Variants in SGCZ observed in about 807,000 individuals in gnomAD.
The protein encoded by SGCZ is sarcoglycan zeta.
A neutral mutation model predicts 41.3 loss-of-function variants in SGCZ; 40 were observed. That is an observed-to-expected ratio of 0.97 (90% CI 0.75 to 1.26). The LOEUF (loss-of-function observed/expected upper bound fraction) is 1.26. SGCZ is among the 50% of genes most tolerant of loss of function. The pLI is 0.00. For missense variants in SGCZ, 552 were observed against 369.8 expected (o/e 1.49, Z -4.04); for synonymous variants, 206 against 137.5 (o/e 1.50, Z -3.49).
chr8:14,739,586 A>G (rs1005301200), intron 1 of SGCZ, among the ~76,000 whole-genome samples: 2 of 152,086 alleles, frequency 1.3e-5, no homozygotes, highest in Non-Finnish European at 1.5e-5. Context: ...AAAACTGACC[A>G]GTATTACTCA....
intron 1 of SGCZ, among the ~76,000 whole-genome samples, chr8:15,028,043 C>A (rs912945699): frequency 1.3e-5 from 2 of 152,054 alleles, no homozygotes; most frequent in Non-Finnish European, 2.9e-5. Context: ...AGATTTTGAA[C>A]TCAGTTACCA....
chr8:15,120,578 T>A (rs1006449332), intron 1 of SGCZ, among the ~76,000 whole-genome samples: 5 of 152,228 alleles, frequency 3.3e-5, no homozygotes, highest in Non-Finnish European at 5.9e-5. Context: ...ACAGTGATAA[T>A]GTTAGCAATC....
At chr8:14,473,694 T>C (rs1026289340) in intron 2 of SGCZ, among the ~76,000 whole-genome samples, 1 of 151,886 alleles carries the variant, frequency 6.6e-6, no homozygotes, top group African/African-American at 2.4e-5. Context: ...TCCCAGCACT[T>C]TGGGAGGTCG....
chr8:14,301,665 T>C (rs1801194845), intron 3 of SGCZ, among the ~76,000 whole-genome samples: 2 of 152,222 alleles, frequency 1.3e-5, no homozygotes, highest in East Asian at 1.9e-4. Context: ...TCATTCAAGG[T>C]AATATTTATG....
At chr8:14,957,288 T>C (rs1800822301) in intron 1 of SGCZ, among the ~76,000 whole-genome samples, 1 of 152,116 alleles carries the variant, frequency 6.6e-6, no homozygotes, top group Non-Finnish European at 1.5e-5. Flanking sequence ...TAAATTTTCA[T>C]CTTCTTTTTA....
At chr8:15,209,724 A>G (rs1801180554) in intron 1 of SGCZ, among the ~76,000 whole-genome samples, 1 of 152,164 alleles carries the variant, frequency 6.6e-6, no homozygotes. Context: ...AGTTTGTCTT[A>G]TCGTTGACCA....
At chr8:14,595,653 C>G (rs982240861) in intron 1 of SGCZ, among the ~76,000 whole-genome samples, 2 of 152,132 alleles carry the variant, frequency 1.3e-5, no homozygotes, top group African/African-American at 4.8e-5. Flanking sequence ...ATGAGGGCAT[C>G]AAAATGCTTC....
chr8:14,341,972 T>C (rs1187269280), intron 2 of SGCZ, among the ~76,000 whole-genome samples: 1 of 152,160 alleles, frequency 6.6e-6, no homozygotes, highest in Non-Finnish European at 1.5e-5. Context: ...GAATGTGGTG[T>C]TGTTGAAAAG....
At chr8:14,535,899 T>G (rs1321258935) in intron 2 of SGCZ, among the ~76,000 whole-genome samples, 1 of 151,896 alleles carries the variant, frequency 6.6e-6, no homozygotes, top group Non-Finnish European at 1.5e-5. Flanking sequence ...ATTCAGGGAA[T>G]CTGTGTGAGG....
At chr8:14,883,333 T>C (rs945897995) in intron 1 of SGCZ, among the ~76,000 whole-genome samples, 20 of 151,948 alleles carry the variant, frequency 1.3e-4, no homozygotes, top group African/African-American at 4.8e-4. Context: ...GTTAAAAGAC[T>C]GTTTGGTGTT....
intron 1 of SGCZ, among the ~76,000 whole-genome samples, chr8:15,197,138 A>G (rs1800756455): frequency 6.6e-6 from 1 of 152,212 alleles, no homozygotes; most frequent in Non-Finnish European, 1.5e-5. Context: ...CCTTTGTGGG[A>G]GGAGCTACAA....
intron 2 of SGCZ, among the ~76,000 whole-genome samples, chr8:14,410,243 G>A (rs550045541): frequency 6.6e-6 from 1 of 152,122 alleles, no homozygotes; most frequent in Non-Finnish European, 1.5e-5. Flanking sequence ...TCTGCCTGTG[G>A]AAAACTGTCT....
intron 1 of SGCZ, among the ~76,000 whole-genome samples, chr8:14,914,018 C>A (rs559404065): frequency 6.6e-6 from 1 of 152,050 alleles, no homozygotes; most frequent in Non-Finnish European, 1.5e-5. Context: ...AATTCACATT[C>A]TTAATAGTCA....
At chr8:14,914,768 G>A (rs4831663) in intron 1 of SGCZ, among the ~76,000 whole-genome samples, 28,906 of 152,130 alleles carry the variant, frequency 0.19, 3,505 homozygotes, top group East Asian at 0.43. Context: ...TCATTTCTTT[G>A]TATACTTCTG....
chr8:14,795,527 C>A (rs1239231587), intron 1 of SGCZ, among the ~76,000 whole-genome samples: 1 of 152,026 alleles, frequency 6.6e-6, no homozygotes, highest in Non-Finnish European at 1.5e-5. Context: ...ACTGCAGCCT[C>A]CACCTCCTAG....
intron 1 of SGCZ, among the ~76,000 whole-genome samples, chr8:14,953,786 G>C (rs1049714804): frequency 5.9e-5 from 9 of 152,166 alleles, no homozygotes; most frequent in African/African-American, 2.2e-4. Context: ...GTTTACAATA[G>C]TACTTGATAC....
chr8:14,245,093 C>A (rs1030875662), intron 3 of SGCZ, among the ~76,000 whole-genome samples: 1 of 152,234 alleles, frequency 6.6e-6, no homozygotes, highest in East Asian at 1.9e-4. Flanking sequence ...ATTTCCTTCT[C>A]CTGCCTAATT....
chr8:14,404,994 G>C (rs1799172681), intron 2 of SGCZ, among the ~76,000 whole-genome samples: 1 of 152,306 alleles, frequency 6.6e-6, no homozygotes, highest in East Asian at 1.9e-4. Flanking sequence ...TGTCCTTCGT[G>C]ATTGCACATC....
At chr8:14,705,941 C>G (rs1809319413) in intron 1 of SGCZ, among the ~76,000 whole-genome samples, 1 of 151,996 alleles carries the variant, frequency 6.6e-6, no homozygotes, top group East Asian at 1.9e-4. Flanking sequence ...GGGATTCATT[C>G]ATAACTCCTG....
Sources: allele counts gnomAD v4.1 joint callset (sites outside exome capture counted in the v4.1 genomes callset), GRCh38; gene constraint gnomAD v4.1.1; transcripts MANE v1.5; gene names NCBI Gene and HGNC (gene_info 2026-07-23, HGNC 2026-07-21).